LNX2: variants seen among roughly 807,000 people sequenced by gnomAD.
The protein encoded by LNX2 is ligand of Numb protein X 2.
Under a neutral mutation model 66.2 loss-of-function variants are expected in LNX2, and 35 were observed. The ratio of observed to expected loss-of-function variants is 0.53; its 90% CI spans 0.40 to 0.70. The LOEUF is 0.70. Among genes scored for constraint, LNX2 ranks in the 30% least tolerant of loss-of-function variants. LNX2 has a pLI of 0.00. For synonymous variants in LNX2, 337 were observed against 315.6 expected (o/e 1.07, Z -0.72); for missense variants, 791 against 850.8 (o/e 0.93, Z 0.87).
At chr13:27,550,529 G>A in intron 8 of LNX2, 38 bp from the exon 9 acceptor site, 1 of 1,545,208 alleles carries the variant, frequency 6.5e-7, no homozygotes, top group Non-Finnish European at 8.8e-7. Context: ...AAATTAACAT[G>A]GAGGCTTTTA....
At chr13:27,583,145 T>C (rs1955421707) in intron 1 of LNX2, among the ~76,000 whole-genome samples, 1 of 149,086 alleles carries the variant, frequency 6.7e-6, no homozygotes, top group Non-Finnish European at 1.5e-5. Context: ...ATACTTCGAT[T>C]TGGGCTTGCT....
intron 1 of LNX2, among the ~76,000 whole-genome samples, chr13:27,596,747 C>T (rs907916268): frequency 4.6e-5 from 7 of 152,102 alleles, no homozygotes; most frequent in Non-Finnish European, 1.0e-4. Context: ...ATACCTTTGT[C>T]TAAGGACATT....
intron 1 of LNX2, among the ~76,000 whole-genome samples, chr13:27,619,107 T>C (rs988655057): frequency 6.6e-5 from 10 of 152,200 alleles, no homozygotes; most frequent in Admixed American, 1.3e-4. Context: ...AAACAAGATA[T>C]ATGGAGAATG....
chr13:27,615,726 T>C (rs1955819074), intron 1 of LNX2, among the ~76,000 whole-genome samples: 1 of 152,174 alleles, frequency 6.6e-6, no homozygotes, highest in African/African-American at 2.4e-5. Flanking sequence ...ACCATATATA[T>C]ATTTCACAAC....
At chr13:27,600,261 A>G (rs1212637775) in intron 1 of LNX2, among the ~76,000 whole-genome samples, 1 of 152,240 alleles carries the variant, frequency 6.6e-6, no homozygotes. Flanking sequence ...TGTCAAAAAC[A>G]GTGTACATTT....
At position 27,553,105 on chromosome 13, in the gene LNX2, GCT is replaced by G. The variant is rs1491137045; in HGVS notation, c.1778+101_1778+102del. 5 of 950,446 alleles carry G rather than the reference GCT, an allele frequency of 5.3e-6. No homozygotes were observed. The African/African-American group carries it at 8.6e-5, about 16-fold the overall frequency. 58.9% of individuals were successfully genotyped at this position (950,446 alleles called of 1,614,324 possible). A position where few individuals can be genotyped will look rare whatever the true frequency, so the allele number is the denominator to read the frequency against. ...GATGTTGCTATTTTACTGAATTAAA[GCT>G]TTTTTTTTTATCCCAACGAGTAAAT... On this transcript the variant is annotated intron_variant, in intron 8 of 9. Coordinates refer to ENST00000316334, the MANE Select transcript of LNX2 (RefSeq NM_153371.4).
intron 2 of LNX2, 26 bp from the exon 3 acceptor site, chr13:27,569,302 C>G: frequency 6.3e-7 from 1 of 1,593,550 alleles, no homozygotes. Flanking sequence ...CAGATGGTTT[C>G]CAGATGATTT....
intron 5 of LNX2, among the ~76,000 whole-genome samples, chr13:27,560,565 GTATATATATATATA>G (rs71083675): frequency 1.7e-5 from 2 of 119,970 alleles, no homozygotes; most frequent in African/African-American, 3.3e-5. Flanking sequence ...ATGTATGTGT[GTATATATATATATA>G]TATATAGCAT....
intron 1 of LNX2, among the ~76,000 whole-genome samples, chr13:27,606,423 A>G (rs74482849): frequency 0.053 from 8,087 of 151,572 alleles, 233 homozygotes; most frequent in Middle Eastern, 0.092. Context: ...AAAAGGCTCA[A>G]ATAATCATTT....
At chr13:27,553,938 T>A (rs1468538958) in intron 7 of LNX2, among the ~76,000 whole-genome samples, 1 of 152,234 alleles carries the variant, frequency 6.6e-6, no homozygotes, top group Non-Finnish European at 1.5e-5. Flanking sequence ...AAGCTATCCC[T>A]GGGCCCACAT....
chr13:27,585,327 C>T (rs193153112), intron 1 of LNX2, among the ~76,000 whole-genome samples: 3 of 151,698 alleles, frequency 2.0e-5, no homozygotes, highest in African/African-American at 4.8e-5. Flanking sequence ...GAGGCTGAGG[C>T]GGGAGAATGG....
chr13:27,604,202 C>T (rs1289358283), intron 1 of LNX2, among the ~76,000 whole-genome samples: 2 of 152,150 alleles, frequency 1.3e-5, no homozygotes, highest in African/African-American at 4.8e-5. Flanking sequence ...GCCGAGACTG[C>T]GCCACTGCAC....
intron 5 of LNX2, among the ~76,000 whole-genome samples, chr13:27,560,586 G>T (rs889915258): frequency 3.9e-4 from 25 of 64,912 alleles, no homozygotes; most frequent in African/African-American, 6.6e-4. Flanking sequence ...TATATATATA[G>T]CATACTTGTG....
intron 3 of LNX2, among the ~76,000 whole-genome samples, chr13:27,568,413 C>T (rs570548972): frequency 2.4e-4 from 36 of 152,188 alleles, no homozygotes; most frequent in Non-Finnish European, 4.1e-4. Flanking sequence ...TCCATGACTA[C>T]GGGCCTTCTG....
chr13:27,560,565 G>GTGTGTATATATATATA (rs35007288), intron 5 of LNX2, among the ~76,000 whole-genome samples: 15 of 120,014 alleles, frequency 1.2e-4, no homozygotes, highest in African/African-American at 5.0e-4. Context: ...ATGTATGTGT[G>GTGTGTATATATATATA]TATATATATA....
At chr13:27,605,371 C>G (rs1043943174) in intron 1 of LNX2, among the ~76,000 whole-genome samples, 4 of 152,154 alleles carry the variant, frequency 2.6e-5, no homozygotes, top group Non-Finnish European at 5.9e-5. Context: ...CACTGAGTTT[C>G]TATTGAAAAA....
intron 1 of LNX2, among the ~76,000 whole-genome samples, chr13:27,585,091 A>T (rs1307767734): frequency 6.6e-6 from 1 of 150,606 alleles, no homozygotes; most frequent in Non-Finnish European, 1.5e-5. Context: ...ACCGCACTCC[A>T]GCCTGGGTGA....
intron 1 of LNX2, among the ~76,000 whole-genome samples, chr13:27,616,816 C>T (rs35196993): frequency 0.059 from 9,013 of 152,338 alleles, 320 homozygotes; most frequent in Middle Eastern, 0.16. Context: ...GTGGCGCAAT[C>T]TCAGCTCACT....
intron 1 of LNX2, among the ~76,000 whole-genome samples, chr13:27,601,172 T>C (rs779691845): frequency 7.2e-5 from 11 of 152,204 alleles, no homozygotes; most frequent in Non-Finnish European, 1.3e-4. Context: ...ACCATCACCA[T>C]TACCATTTTA....
Sources: gnomAD v4.1 joint callset for allele counts (sites outside exome capture counted in the v4.1 genomes callset) on GRCh38, gnomAD v4.1.1 for gene constraint, MANE v1.5 for transcripts, NCBI Gene and HGNC (gene_info 2026-07-23, HGNC 2026-07-21) for gene names.